Variants in ANXA10 observed in about 807,000 individuals in gnomAD.
ANXA10 encodes annexin A10, also known as annexin 14.
ANXA10 carries 49 observed loss-of-function variants against 53.5 expected under a neutral mutation model. The observed-to-expected ratio is 0.92, with a 90% CI of 0.73 to 1.16. The LOEUF (loss-of-function observed/expected upper bound fraction) is 1.16, where lower values mean the gene tolerates loss of function less well. Among genes scored for constraint, ANXA10 ranks in the 50% most tolerant of loss-of-function variants. ANXA10 has a pLI of 0.00. For missense variants in ANXA10, 393 were observed against 394.4 expected (o/e 1.00, Z 0.03); for synonymous variants, 131 against 128.9 (o/e 1.02, Z -0.11).
chr4:168,129,767 A>G (rs1578905620), intron 2 of ANXA10, among the ~76,000 whole-genome samples: 2 of 152,330 alleles, frequency 1.3e-5, no homozygotes, highest in East Asian at 3.9e-4. Context: ...TTTAAGTTGT[A>G]TAAAAATTTA....
At chr4:168,133,747 A>T (rs1164784199) in intron 2 of ANXA10, among the ~76,000 whole-genome samples, 1 of 152,114 alleles carries the variant, frequency 6.6e-6, no homozygotes, top group Non-Finnish European at 1.5e-5. Flanking sequence ...CCCTAGGAAC[A>T]ATAGTTCAGT....
chr4:168,132,464 T>C (rs1400952228), intron 2 of ANXA10, among the ~76,000 whole-genome samples: 1 of 152,062 alleles, frequency 6.6e-6, no homozygotes, highest in East Asian at 1.9e-4. Flanking sequence ...GAAGGATGAT[T>C]ACCAGAGGTT....
At chr4:168,134,900 G>C (rs1731212710) in intron 2 of ANXA10, among the ~76,000 whole-genome samples, 1 of 152,126 alleles carries the variant, frequency 6.6e-6, no homozygotes, top group South Asian at 2.1e-4. Flanking sequence ...GGATATTTCA[G>C]CACCTTATTC....
intron 1 of ANXA10, among the ~76,000 whole-genome samples, chr4:168,105,930 T>C (rs1730713514): frequency 6.6e-6 from 1 of 152,170 alleles, no homozygotes. Context: ...AAAGTATCTG[T>C]TCATGTCCTT....
At chr4:168,102,306 C>CA (rs1396727838) in intron 1 of ANXA10, among the ~76,000 whole-genome samples, 1 of 151,918 alleles carries the variant, frequency 6.6e-6, no homozygotes, top group Non-Finnish European at 1.5e-5. Flanking sequence ...TTGTGGTATA[C>CA]AATTTTATGA....
chr4:168,173,921 A>AC (rs535082892), intron 6 of ANXA10, among the ~76,000 whole-genome samples: 30 of 149,738 alleles, frequency 2.0e-4, no homozygotes, highest in African/African-American at 5.6e-4. Flanking sequence ...ATCAGCACAT[A>AC]CCCCCCCATT....
chr4:168,165,639 C>T (rs1245500538), intron 6 of ANXA10, among the ~76,000 whole-genome samples: 2 of 152,044 alleles, frequency 1.3e-5, no homozygotes, highest in Non-Finnish European at 2.9e-5. Flanking sequence ...AAAAATATTA[C>T]AGTTAAAATT....
chr4:168,181,599 A>G (rs1011863744), intron 9 of ANXA10, 84 bp from the exon 10 acceptor site: 14 of 1,088,588 alleles, frequency 1.3e-5, no homozygotes, highest in Admixed American at 8.8e-5. Context: ...TTGTAACAGG[A>G]AAAGTGTTAT....
chr4:168,123,126 C>G (rs1436004844), intron 1 of ANXA10, among the ~76,000 whole-genome samples: 1 of 152,108 alleles, frequency 6.6e-6, no homozygotes, highest in Admixed American at 6.6e-5. Context: ...ATAAGATTGC[C>G]TCAAATACCC....
chr4:168,171,227 T>C (rs1295850005), intron 6 of ANXA10, among the ~76,000 whole-genome samples: 1 of 152,202 alleles, frequency 6.6e-6, no homozygotes, highest in Non-Finnish European at 1.5e-5. Flanking sequence ...AATTTGGAGC[T>C]GGTGAGTTCC....
intron 2 of ANXA10, among the ~76,000 whole-genome samples, chr4:168,137,541 T>G (rs1731256959): frequency 6.6e-6 from 1 of 152,206 alleles, no homozygotes; most frequent in Admixed American, 6.5e-5. Context: ...ACTTGACATT[T>G]TCTGAGTTAT....
At chr4:168,152,854 T>C (rs1177133786) in intron 3 of ANXA10, among the ~76,000 whole-genome samples, 3 of 150,652 alleles carry the variant, frequency 2.0e-5, no homozygotes, top group Non-Finnish European at 4.4e-5. Flanking sequence ...ATATATCTAT[T>C]GTTTTTGAGA....
At chr4:168,096,688 C>T (rs958454302) in intron 1 of ANXA10, among the ~76,000 whole-genome samples, 3 of 151,634 alleles carry the variant, frequency 2.0e-5, no homozygotes, top group African/African-American at 7.3e-5. Flanking sequence ...AGTGTGATAA[C>T]AGCACCTATC....
At chr4:168,106,440 T>C (rs1730721070) in intron 1 of ANXA10, among the ~76,000 whole-genome samples, 1 of 152,094 alleles carries the variant, frequency 6.6e-6, no homozygotes, top group Non-Finnish European at 1.5e-5. Flanking sequence ...TAGTGTTCCA[T>C]GGAACTCTTG....
chr4:168,100,892 A>G (rs991627577), intron 1 of ANXA10, among the ~76,000 whole-genome samples: 1 of 152,112 alleles, frequency 6.6e-6, no homozygotes, highest in Non-Finnish European at 1.5e-5. Context: ...TGAAATTATC[A>G]AAACAGGATA....
At chr4:168,173,157 TA>T (rs1732048883) in intron 6 of ANXA10, among the ~76,000 whole-genome samples, 1 of 151,994 alleles carries the variant, frequency 6.6e-6, no homozygotes, top group African/African-American at 2.4e-5. Context: ...AAAATATGGA[TA>T]AAAGAATGAG....
chr4:168,108,504 CT>C (rs1730752743), intron 1 of ANXA10, among the ~76,000 whole-genome samples: 1 of 152,138 alleles, frequency 6.6e-6, no homozygotes, highest in Non-Finnish European at 1.5e-5. Flanking sequence ...GGCAAACAAT[CT>C]TCTCTTGCCA....
intron 1 of ANXA10, among the ~76,000 whole-genome samples, chr4:168,114,946 G>A (rs777720815): frequency 1.8e-4 from 28 of 152,140 alleles, no homozygotes; most frequent in Admixed American, 7.2e-4. Context: ...GGAGTGCAGT[G>A]ATACAATCTC....
At chr4:168,108,831 G>T (rs944656333) in intron 1 of ANXA10, among the ~76,000 whole-genome samples, 3 of 152,100 alleles carry the variant, frequency 2.0e-5, no homozygotes, top group African/African-American at 7.2e-5. Context: ...TCTCTGGGTG[G>T]TCTCCTTTAT....
Sources: gnomAD v4.1 joint callset for allele counts (sites outside exome capture counted in the v4.1 genomes callset) on GRCh38, gnomAD v4.1.1 for gene constraint, MANE v1.5 for transcripts, NCBI Gene and HGNC (gene_info 2026-07-23, HGNC 2026-07-21) for gene names.